ADAMTS12: variants seen among roughly 807,000 people sequenced by gnomAD.
ADAMTS12 encodes the protein ADAM metallopeptidase with thrombospondin type 1 motif 12.
A neutral mutation model predicts 167.8 loss-of-function variants in ADAMTS12; 118 were observed. The observed-to-expected ratio is 0.70, with a 90% CI of 0.61 to 0.82. The LOEUF (loss-of-function observed/expected upper bound fraction) is 0.82, where lower values mean the gene tolerates loss of function less well. Among genes scored for constraint, ADAMTS12 ranks in the 40% least tolerant of loss-of-function variants. ADAMTS12 has a pLI of 0.00. For missense variants in ADAMTS12, 1,916 were observed against 1,998.8 expected (o/e 0.96, Z 0.79); for synonymous variants, 704 against 716.9 (o/e 0.98, Z 0.29).
At chr5:33,663,206 T>G (rs779047179) in intron 5 of ADAMTS12, among the ~76,000 whole-genome samples, 2 of 152,234 alleles carry the variant, frequency 1.3e-5, no homozygotes, top group Non-Finnish European at 2.9e-5. Context: ...GACACTGACT[T>G]CATTATTTAA....
chr5:33,748,321 C>T (rs1315192659), intron 3 of ADAMTS12, among the ~76,000 whole-genome samples: 2 of 152,156 alleles, frequency 1.3e-5, no homozygotes, highest in Admixed American at 6.5e-5. Flanking sequence ...TTTATTTTCC[C>T]ACTGTTTACC....
intron 17 of ADAMTS12, among the ~76,000 whole-genome samples, chr5:33,592,343 G>A (rs1405380856): frequency 3.9e-5 from 6 of 152,172 alleles, no homozygotes; most frequent in Admixed American, 6.5e-5. Flanking sequence ...CTTGATTTAA[G>A]TCATATGTCA....
rs115179442 is a variant in ADAMTS12 at position 33,624,312 on chromosome 5, C to T, written c.2062G>A (p.Glu688Lys). The stretch of plus-strand genomic sequence containing the variant: ...CCCAGGCACACACCGCAGCGATCCT[C>T]GGTGGCATTGGAATCGATCTCATAG... ...CDYEIDSNATEDRCGVCLGDG... is the reference protein window; with the variant it reads ...CDYEIDSNATKDRCGVCLGDG... Residue 688 changes from glutamate (E) to lysine (K), a missense_variant, in exon 14 of 24, where the codon GAG becomes AAG. Coordinates refer to ENST00000504830, the MANE Select transcript of ADAMTS12 (RefSeq NM_030955.4). 2.6e-5 allele frequency: 42 copies of T among 1,614,056 alleles called. No individual in the cohort carries two copies. Among genetic ancestry groups the T allele is most frequent in the Admixed American group, 3.3e-5 (2 of 60,026 alleles).
chr5:33,738,573 A>G (rs927635569), intron 3 of ADAMTS12, among the ~76,000 whole-genome samples: 3 of 152,208 alleles, frequency 2.0e-5, no homozygotes, highest in African/African-American at 7.2e-5. Flanking sequence ...TTGGTTAGGA[A>G]TGTTCCCTAC....
chr5:33,691,590 A>G (rs1742549069), intron 3 of ADAMTS12, among the ~76,000 whole-genome samples: 1 of 152,194 alleles, frequency 6.6e-6, no homozygotes, highest in African/African-American at 2.4e-5. Flanking sequence ...GAAGCAGGCG[A>G]GACATGGAAG....
At chr5:33,815,366 T>G (rs10941096) in intron 2 of ADAMTS12, among the ~76,000 whole-genome samples, 67,757 of 151,692 alleles carry the variant, frequency 0.45, 15,460 homozygotes, top group African/African-American at 0.47. Flanking sequence ...AGAACCCTTA[T>G]GCTGAATTAG....
intron 2 of ADAMTS12, among the ~76,000 whole-genome samples, chr5:33,807,164 C>T (rs917131752): frequency 7.9e-5 from 12 of 152,232 alleles, no homozygotes; most frequent in African/African-American, 2.9e-4. Flanking sequence ...CAGGGTTCCA[C>T]ATTCCCTTCG....
At chr5:33,577,876 C>A (rs1008387197) in intron 18 of ADAMTS12, among the ~76,000 whole-genome samples, 5 of 152,308 alleles carry the variant, frequency 3.3e-5, no homozygotes, top group Admixed American at 3.3e-4. Context: ...AATGTTCCCT[C>A]CACATTCTGT....
intron 16 of ADAMTS12, among the ~76,000 whole-genome samples, chr5:33,613,902 T>C (rs1391320385): frequency 6.6e-6 from 1 of 152,248 alleles, no homozygotes; most frequent in Non-Finnish European, 1.5e-5. Context: ...TTTGAGGAGT[T>C]GTTCCACTTT....
At chr5:33,739,250 C>T (rs911991648) in intron 3 of ADAMTS12, among the ~76,000 whole-genome samples, 7 of 152,140 alleles carry the variant, frequency 4.6e-5, no homozygotes, top group African/African-American at 1.7e-4. Context: ...TCAACACACA[C>T]TCCTTCACAC....
intron 16 of ADAMTS12, among the ~76,000 whole-genome samples, chr5:33,598,477 G>A (rs1228556558): frequency 6.6e-6 from 1 of 152,170 alleles, no homozygotes; most frequent in Non-Finnish European, 1.5e-5. Context: ...CACATCACTG[G>A]GTTTAGTCTG....
intron 4 of ADAMTS12, 78 bp downstream of exon 4, chr5:33,683,781 C>T: frequency 8.4e-7 from 1 of 1,196,910 alleles, no homozygotes; most frequent in Non-Finnish European, 1.1e-6. Flanking sequence ...CCAAAAAGGC[C>T]TTTCTTATTT....
intron 3 of ADAMTS12, among the ~76,000 whole-genome samples, chr5:33,695,990 C>T (rs921321051): frequency 1.3e-5 from 2 of 152,186 alleles, no homozygotes; most frequent in Admixed American, 6.5e-5. Flanking sequence ...GCTGCATTGA[C>T]GAGTCCCATA....
intron 2 of ADAMTS12, among the ~76,000 whole-genome samples, chr5:33,762,516 AT>A (rs1408106503): frequency 1.3e-5 from 2 of 152,216 alleles, no homozygotes; most frequent in South Asian, 2.1e-4. Flanking sequence ...TCAAAAAAAA[AT>A]AAATAAATAA....
At chr5:33,681,148 A>G (rs1742097101) in intron 5 of ADAMTS12, among the ~76,000 whole-genome samples, 1 of 152,212 alleles carries the variant, frequency 6.6e-6, no homozygotes, top group Non-Finnish European at 1.5e-5. Context: ...ACATGAAGGG[A>G]AATGACATAC....
At chr5:33,592,984 A>G (rs1015597791) in intron 17 of ADAMTS12, among the ~76,000 whole-genome samples, 2 of 152,222 alleles carry the variant, frequency 1.3e-5, no homozygotes, top group African/African-American at 4.8e-5. Flanking sequence ...TTTATTTTTA[A>G]AAAAGCAAAT....
At chr5:33,838,330 T>A (rs1748611009) in intron 2 of ADAMTS12, among the ~76,000 whole-genome samples, 1 of 152,072 alleles carries the variant, frequency 6.6e-6, no homozygotes, top group Non-Finnish European at 1.5e-5. Flanking sequence ...GAAATGATAG[T>A]GTTAGAAAAA....
At chr5:33,730,322 CTGTG>C (rs1579882821) in intron 3 of ADAMTS12, among the ~76,000 whole-genome samples, 1 of 73,676 alleles carries the variant, frequency 1.4e-5, no homozygotes, top group East Asian at 3.1e-4. Context: ...GTGTGTGTGT[CTGTG>C]TGTGTGTTTC....
intron 20 of ADAMTS12, among the ~76,000 whole-genome samples, chr5:33,559,398 T>TTATC (rs1248113503): frequency 6.6e-6 from 1 of 152,148 alleles, no homozygotes; most frequent in African/African-American, 2.4e-5. Context: ...TAGCCCTGAA[T>TTATC]TATCCCCCAA....
Sources: allele counts gnomAD v4.1 joint callset (sites outside exome capture counted in the v4.1 genomes callset), GRCh38; gene constraint gnomAD v4.1.1; transcripts MANE v1.5; gene names NCBI Gene and HGNC (gene_info 2026-07-23, HGNC 2026-07-21).